NCKAP1L: variants seen among roughly 807,000 people sequenced by gnomAD.
The protein encoded by NCKAP1L is nck-associated protein 1-like.
NCKAP1L carries 53 observed loss-of-function variants against 139.2 expected under a neutral mutation model. The ratio of observed to expected loss-of-function variants is 0.38; its 90% CI spans 0.31 to 0.48. The LOEUF (loss-of-function observed/expected upper bound fraction) is 0.48, where lower values mean the gene tolerates loss of function less well. Ranked by LOEUF, NCKAP1L falls within the 20% of genes least tolerant of loss-of-function variation. The pLI is 0.98. For synonymous variants in NCKAP1L, 468 were observed against 499.7 expected (o/e 0.94, Z 0.85); for missense variants, 1,151 against 1,381.9 (o/e 0.83, Z 2.65).
At chr12:54,510,962 A>G (rs1956883913) in intron 7 of NCKAP1L, among the ~76,000 whole-genome samples, 1 of 152,172 alleles carries the variant, frequency 6.6e-6, no homozygotes, top group Non-Finnish European at 1.5e-5. Flanking sequence ...CCAGGAATCA[A>G]TTAATTAATA....
At position 54,531,306 on chromosome 12, in the gene NCKAP1L, C is replaced by G. The variant is rs759717588; in HGVS notation, c.2553C>G (p.Phe851Leu). ...TCCTGGGCCCCTATGGCATGAAGTT[C>G]CTGAGTGAAAACCTGATGTGGCATG... is the stretch of plus-strand genomic sequence containing the variant. ...AELLGPYGMK[F>L]LSENLMWHVT... is the part of the protein sequence containing the mutation. Residue 851 changes from phenylalanine (F) to leucine (L), a missense_variant, in exon 23 of 31, where the codon TTC becomes TTG. Physicochemically the swap from Phe to Leu is conservative, Grantham distance 22. Coordinates refer to ENST00000293373, the MANE Select transcript of NCKAP1L (RefSeq NM_005337.5). 6.2e-7 allele frequency: 1 copy of G among 1,613,976 alleles called. No homozygotes were observed. The highest frequency in any genetic ancestry group is 1.3e-5 in the African/African-American group (1 of 74,892).
intron 7 of NCKAP1L, chr12:54,510,575 A>G (rs560646100): frequency 6.3e-6 from 1 of 157,484 alleles, no homozygotes; most frequent in Non-Finnish European, 1.4e-5. Flanking sequence ...CAGTGGCGTG[A>G]TCTTGGCTCA....
chr12:54,515,847 A>T (rs1007335161), intron 9 of NCKAP1L, among the ~76,000 whole-genome samples: 5 of 152,196 alleles, frequency 3.3e-5, no homozygotes, highest in Admixed American at 3.3e-4. Context: ...ACTTGAGAGC[A>T]GGGCCTGTGT....
intron 26 of NCKAP1L, 147 bp from the exon 27 acceptor site, chr12:54,534,957 C>T (rs1957102647): frequency 3.9e-6 from 2 of 516,800 alleles, no homozygotes; most frequent in Non-Finnish European, 6.6e-6. Context: ...GACAAAATAG[C>T]GAGACTCTCT....
intron 28 of NCKAP1L, 64 bp from the exon 29 acceptor site, chr12:54,536,880 T>C: frequency 8.7e-7 from 1 of 1,153,160 alleles, no homozygotes; most frequent in African/African-American, 1.5e-5. Flanking sequence ...GTTTGGGTCA[T>C]CCTGGAGTGG....
chr12:54,510,541 C>T lies in NCKAP1L; in HGVS notation c.735+556C>T, dbSNP rs1956879362. ...AATTTTTATTTTTGAGACAGAGTCT[C>T]ACTCTGTCGCCCAGGCTGGAGGGCA... On this transcript the variant is annotated intron_variant, in intron 7 of 30. Transcript: ENST00000293373. The T allele has an allele frequency of 3.5e-5, 6 of 170,150 alleles. No homozygotes were observed. In the South Asian group the frequency reaches 6.3e-4, roughly 18 times the overall value. 10.5% of individuals were successfully genotyped at this position (170,150 alleles called of 1,614,324 possible).
chr12:54,542,425 C>A, intron 30 of NCKAP1L, 150 bp from the exon 31 acceptor site: 1 of 648,494 alleles, frequency 1.5e-6, no homozygotes, highest in Non-Finnish European at 2.8e-6. Context: ...GCAGCCAAAC[C>A]AAGTGAGGGA....
At chr12:54,508,362 T>G (rs762899642) in intron 4 of NCKAP1L, 27 bp from the exon 5 acceptor site, 1 of 1,613,560 alleles carries the variant, frequency 6.2e-7, no homozygotes, top group Admixed American at 1.7e-5. Flanking sequence ...CATGCTGTCC[T>G]TGGGTTCCTA....
At chr12:54,502,036 C>T (rs1245855087) in intron 3 of NCKAP1L, among the ~76,000 whole-genome samples, 3 of 152,040 alleles carry the variant, frequency 2.0e-5, no homozygotes, top group Non-Finnish European at 4.4e-5. Flanking sequence ...TATATATCTT[C>T]TTTGAAGAAA....
chr12:54,519,193 A>G lies in NCKAP1L; in HGVS notation c.1486A>G (p.Thr496Ala). 2 of 1,563,566 alleles carry G rather than the reference A, an allele frequency of 1.3e-6. No individual in the cohort carries two copies. The highest frequency in any genetic ancestry group is 1.7e-6 in the Non-Finnish European group (2 of 1,162,686). The change falls in exon 16 of 31, where the codon ACT becomes GCT. Residue 496 changes from threonine (T) to alanine (A), a missense_variant. By Grantham distance (58) the Thr-to-Ala change is moderately conservative (BLOSUM62 0). Transcript: ENST00000293373. ...RLDWFRLQAY[T>A]SVAKAPLHLH... The stretch of plus-strand genomic sequence containing the variant: ...TTCCCAACTCCAACCGCAGGCATAC[A>G]CTAGCGTGGCTAAGGCCCCTCTGCA...
intron 7 of NCKAP1L, among the ~76,000 whole-genome samples, chr12:54,510,759 T>G (rs1468489917): frequency 6.6e-6 from 1 of 151,696 alleles, no homozygotes; most frequent in Non-Finnish European, 1.5e-5. Context: ...TGACCTCAAG[T>G]GATCTGTGTG....
intron 10 of NCKAP1L, 45 bp downstream of exon 10, chr12:54,516,340 A>C: frequency 1.9e-6 from 3 of 1,573,130 alleles, no homozygotes; most frequent in Middle Eastern, 1.7e-4. Flanking sequence ...TGGAATAGGA[A>C]TCTCTTCTCA....
At chr12:54,506,407 T>C (rs1184745886) in intron 3 of NCKAP1L, among the ~76,000 whole-genome samples, 1 of 151,704 alleles carries the variant, frequency 6.6e-6, no homozygotes, top group Non-Finnish European at 1.5e-5. Flanking sequence ...ATTATAAATA[T>C]ATATATATAT....
In NCKAP1L at chr12:54,523,379, T is replaced by G; in HGVS notation, c.1879-15T>G. The G allele has an allele frequency of 6.2e-7, 1 of 1,604,832 alleles. No homozygotes were observed. Among genetic ancestry groups the G allele is most frequent in the South Asian group, 1.1e-5 (1 of 89,160 alleles). On this transcript the variant is annotated splice_polypyrimidine_tract_variant and intron_variant, in intron 18 of 30. Coordinates refer to ENST00000293373, the MANE Select transcript of NCKAP1L (RefSeq NM_005337.5). ...CAAATCCCCTTTCTCCATTTACCTG[T>G]GTTTGTTTCTGAAGCTTCTACCTAA...
chr12:54,507,273 A>C (rs1021019084), intron 3 of NCKAP1L, among the ~76,000 whole-genome samples: 7 of 152,316 alleles, frequency 4.6e-5, no homozygotes, highest in African/African-American at 1.4e-4. Context: ...ATAAAAGTGC[A>C]TATTAATTTA....
In NCKAP1L at chr12:54,526,621, C is replaced by T; in HGVS notation, c.2250C>T (p.Phe750=). The change falls in exon 21 of 31, where the codon TTC becomes TTT. Residue 750 remains phenylalanine (F), a synonymous_variant. Transcript: ENST00000293373. The part of the protein sequence containing the change: ...LLAGVKAYIG[F]IQSLAQFLGA... The stretch of plus-strand genomic sequence containing the variant: ...CAGGAGTCAAAGCATACATTGGTTT[C>T]ATACAGTCACTGGCCCAGTTTTTGG... 6.2e-7 allele frequency: 1 copy of T among 1,614,078 alleles called. No homozygotes were observed. Among genetic ancestry groups the T allele is most frequent in the Non-Finnish European group, 8.5e-7 (1 of 1,180,002 alleles).
intron 27 of NCKAP1L, 129 bp from the exon 28 acceptor site, chr12:54,536,000 A>G (rs1957110448): frequency 1.5e-6 from 1 of 679,670 alleles, no homozygotes; most frequent in Non-Finnish European, 2.6e-6. Flanking sequence ...TAGGCTTTAT[A>G]AAGTGTTTTC....
intron 21 of NCKAP1L, among the ~76,000 whole-genome samples, chr12:54,527,842 C>G (rs963304219): frequency 6.6e-6 from 1 of 152,162 alleles, no homozygotes; most frequent in African/African-American, 2.4e-5. Flanking sequence ...ACAGGTACCT[C>G]TTTGCCCAGG....
At chr12:54,505,200 C>T (rs563578152) in intron 3 of NCKAP1L, among the ~76,000 whole-genome samples, 7 of 152,338 alleles carry the variant, frequency 4.6e-5, no homozygotes, top group East Asian at 1.9e-4. Flanking sequence ...AGCATGGAGA[C>T]GGGGCACTGC....
Sources: gnomAD v4.1 joint callset for allele counts (sites outside exome capture counted in the v4.1 genomes callset) on GRCh38, gnomAD v4.1.1 for gene constraint, MANE v1.5 for transcripts, NCBI Gene and HGNC (gene_info 2026-07-23, HGNC 2026-07-21) for gene names.